ATP10D: variants seen among roughly 807,000 people sequenced by gnomAD.
ATP10D encodes ATPase phospholipid transporting 10D (putative).
Under a neutral mutation model 144.8 loss-of-function variants are expected in ATP10D, and 89 were observed. The observed-to-expected ratio is 0.61, with a 90% confidence interval of 0.52 to 0.73. The LOEUF is 0.73. Ranked by LOEUF, ATP10D falls within the 30% of genes least tolerant of loss-of-function variation. The pLI is 0.00. For missense variants in ATP10D, 1,603 were observed against 1,714.8 expected, an observed-to-expected ratio of 0.93 and a Z score of 1.15; for synonymous variants, 571 against 615.1, an observed-to-expected ratio of 0.93 and a Z score of 1.06.
chr4:47,536,261 A>AAGAG (rs111273743), intron 7 of ATP10D, among the ~76,000 whole-genome samples, 176 bp from the exon 8 acceptor site: 3 of 150,096 alleles, frequency 2.0e-5, no homozygotes, highest in Admixed American at 6.7e-5. Flanking sequence ...GACTTAAAGA[A>AAGAG]AGAGAGAGAG....
rs544608981 is a variant in ATP10D, at chr4:47,543,164, T to A, written c.1397-3460T>A. ...ATTATTCTATTTTATTATTAGTTAT[T>A]GTTGTTAATCTTTTACTATGCCTAA... On this transcript the variant is annotated intron_variant, in intron 9 of 22. Transcript: ENST00000273859. Among the ~76,000 whole-genome samples, 160 of 151,556 alleles carry A rather than the reference T, an allele frequency of 1.1e-3. 3 individuals are homozygous for A. The highest frequency in any genetic ancestry group is 3.9e-3 in the African/African-American group (158 of 40,868).
chr4:47,514,110 A>C (rs1335602403), intron 2 of ATP10D, among the ~76,000 whole-genome samples: 1 of 152,234 alleles, frequency 6.6e-6, no homozygotes, highest in Non-Finnish European at 1.5e-5. Flanking sequence ...TGTTTTTGTA[A>C]ATGTATTCAA....
chr4:47,566,008 T>C (rs1430201782), intron 15 of ATP10D, among the ~76,000 whole-genome samples: 1 of 152,194 alleles, frequency 6.6e-6, no homozygotes, highest in African/African-American at 2.4e-5. Context: ...CAGTCACTAG[T>C]ATTTAACTCT....
chr4:47,580,377 C>A (rs530387456), intron 19 of ATP10D, 21 bp from the exon 20 acceptor site: 4 of 1,586,616 alleles, frequency 2.5e-6, no homozygotes. Flanking sequence ...ACTACCTCCC[C>A]GTTATCTGCT....
At chr4:47,526,843 A>G (rs574285356) in intron 5 of ATP10D, among the ~76,000 whole-genome samples, 1 of 152,294 alleles carries the variant, frequency 6.6e-6, no homozygotes, top group African/African-American at 2.4e-5. Flanking sequence ...ACTAAACACT[A>G]GTGAAACAAA....
chr4:47,495,782 G>A (rs1336048002), intron 1 of ATP10D, among the ~76,000 whole-genome samples: 2 of 149,362 alleles, frequency 1.3e-5, no homozygotes, highest in Non-Finnish European at 3.0e-5. Context: ...TTGTTGCTCA[G>A]GCTGGAGTGC....
chr4:47,575,304 G>A (rs191673444), intron 18 of ATP10D, among the ~76,000 whole-genome samples: 2 of 152,280 alleles, frequency 1.3e-5, no homozygotes, highest in Non-Finnish European at 2.9e-5. Flanking sequence ...CCTGTGGCCT[G>A]CCCTCCTTGG....
chr4:47,555,117 C>T (rs570646066), intron 11 of ATP10D, among the ~76,000 whole-genome samples: 5 of 152,320 alleles, frequency 3.3e-5, no homozygotes, highest in African/African-American at 9.6e-5. Context: ...AGACCGGTAA[C>T]AGTCTGTGGC....
At chr4:47,572,288 C>G in intron 17 of ATP10D, 58 bp downstream of exon 17, 1 of 1,456,984 alleles carries the variant, frequency 6.9e-7, no homozygotes. Flanking sequence ...CCAAAGGCAG[C>G]ATTCTCCATG....
chr4:47,535,545 A>G lies in ATP10D; in HGVS notation c.813A>G (p.Lys271=), dbSNP rs2109423403. 1 of 1,613,142 alleles carries G rather than the reference A, an allele frequency of 6.2e-7. No homozygotes were observed. The highest frequency in any genetic ancestry group is 2.2e-5 in the East Asian group (1 of 44,842). ...ACAAAGAACGCGTGGGTCTCAGTAA[A>G]GAAAATTTGTTGCTTAGAGGATGCA... The part of the protein sequence containing the change: ...HSNKERVGLS[K]ENLLLRGCTI... Residue 271 remains lysine (K), a synonymous_variant, in exon 6 of 23, where the codon AAA becomes AAG. Coordinates refer to ENST00000273859, the MANE Select transcript of ATP10D (RefSeq NM_020453.4).
intron 9 of ATP10D, among the ~76,000 whole-genome samples, chr4:47,543,824 A>C (rs1718279820): frequency 7.9e-6 from 1 of 125,828 alleles, no homozygotes; most frequent in Admixed American, 9.1e-5. Context: ...ATAGGTATAC[A>C]TATATATTAT....
intron 11 of ATP10D, 148 bp from the exon 12 acceptor site, chr4:47,557,516 T>A: frequency 1.5e-6 from 1 of 647,792 alleles, no homozygotes. Flanking sequence ...ATTAATATTT[T>A]CCATGGCGGT....
chr4:47,554,616 C>T lies in ATP10D; in HGVS notation c.1636-110C>T, dbSNP rs1237170085. Reference sequence around the variant, plus strand: ...ATTGTTTTTAGAAAAATAAAGTTTACCATCTCATGATTCATTTAGATCCTG... The same window carrying T: ...ATTGTTTTTAGAAAAATAAAGTTTATCATCTCATGATTCATTTAGATCCTG... On this transcript the variant is annotated intron_variant, in intron 10 of 22. Transcript: ENST00000273859. 4.9e-6 allele frequency: 4 copies of T among 814,234 alleles called. No individual in the cohort carries two copies. The African/African-American group carries it at 5.3e-5, about 11-fold the overall frequency. The allele number at this position is 814,234 out of a possible 1,614,324, so 50.4% of individuals were successfully genotyped here.
intron 10 of ATP10D, among the ~76,000 whole-genome samples, chr4:47,549,470 C>T (rs147882533): frequency 2.6e-5 from 4 of 152,318 alleles, no homozygotes; most frequent in Admixed American, 1.3e-4. Context: ...TCTATGCACT[C>T]CTCTTACCTT....
chr4:47,583,430 A>C (rs1370648094), intron 21 of ATP10D: 2 of 152,278 alleles, frequency 1.3e-5, no homozygotes, highest in African/African-American at 4.8e-5. Flanking sequence ...AAAATTATTT[A>C]TAACAATTTC....
intron 1 of ATP10D, among the ~76,000 whole-genome samples, chr4:47,486,657 T>C (rs1434716216): frequency 2.6e-5 from 4 of 152,252 alleles, no homozygotes; most frequent in African/African-American, 9.6e-5. Flanking sequence ...CTGCTTCTTC[T>C]GGACTGTTTT....
In ATP10D at chr4:47,563,629, TAGA is replaced by T. The variant is rs1719438139; in HGVS notation, c.2720_2722del (p.Glu907del). ...CTGCAGGAGGGAGTCCCTGAATCTA[TAGA>T]AGCTCTTCACAAAGCGGGCATCAAG... is the stretch of plus-strand genomic sequence containing the variant. On this transcript the variant is annotated inframe_deletion, in exon 15 of 23. Coordinates refer to ENST00000273859, the MANE Select transcript of ATP10D (RefSeq NM_020453.4). The T allele has an allele frequency of 6.2e-7, 1 of 1,613,820 alleles. No individual in the cohort carries two copies. Among genetic ancestry groups the T allele is most frequent in the East Asian group, 2.2e-5 (1 of 44,868 alleles).
intron 13 of ATP10D, among the ~76,000 whole-genome samples, chr4:47,559,877 G>A (rs1719203744): frequency 6.6e-6 from 1 of 152,160 alleles, no homozygotes; most frequent in Admixed American, 6.5e-5. Flanking sequence ...GTGCATGCCT[G>A]TAATCCCAGC....
At chr4:47,512,001 T>C (rs1404648110) in intron 1 of ATP10D, among the ~76,000 whole-genome samples, 1 of 152,246 alleles carries the variant, frequency 6.6e-6, no homozygotes, top group African/African-American at 2.4e-5. Flanking sequence ...AGAGAAAGAC[T>C]CTACCTCTTG....
Sources: allele counts gnomAD v4.1 joint callset (sites outside exome capture counted in the v4.1 genomes callset), GRCh38; gene constraint gnomAD v4.1.1; transcripts MANE v1.5; gene names NCBI Gene and HGNC (gene_info 2026-07-23, HGNC 2026-07-21).